Variants in NLRP9 observed in about 807,000 individuals in gnomAD.
NLRP9 encodes the protein NLR family pyrin domain containing 9.
In NLRP9, 88 loss-of-function variants were observed where a neutral mutation model predicts 83.1. That is an observed-to-expected ratio of 1.06 (90% confidence interval 0.89 to 1.26). NLRP9 has a LOEUF of 1.26. NLRP9 is among the 50% of genes most tolerant of loss of function. The pLI is 0.00. For synonymous variants in NLRP9, 521 were observed against 447.6 expected, an observed-to-expected ratio of 1.16 and a Z score of -2.07; for missense variants, 1,308 against 1,179.3, an observed-to-expected ratio of 1.11 and a Z score of -1.60.
intron 3 of NLRP9, among the ~76,000 whole-genome samples, chr19:55,728,529 T>G (rs1988467593): frequency 6.6e-6 from 1 of 151,694 alleles, no homozygotes; most frequent in Admixed American, 6.6e-5. Flanking sequence ...CCGAGATCAT[T>G]CCACTGCACT....
At position 55,732,520 on chromosome 19, in the gene NLRP9, T is replaced by C. The variant is rs772136004; in HGVS notation, c.1311A>G (p.Arg437=). 1.1e-5 allele frequency: 17 copies of C among 1,614,140 alleles called. No individual in the cohort carries two copies. The highest frequency in any genetic ancestry group is 1.4e-5 in the Non-Finnish European group (16 of 1,180,020). ...GATGCATGAAGGCAAAACAGTCCCC[T>C]CTCCTTTGGAGGAGTCTCATACCCA... ...MWVGMRLLQR[R]GDCFAFMHLC... Residue 437 remains arginine (R), a synonymous_variant, in exon 2 of 9, where the codon AGA becomes AGG. Transcript: ENST00000332836.
rs369412593 is a variant in NLRP9 at position 55,711,933 on chromosome 19, C to T, written c.2710G>A (p.Asp904Asn). 5 of 1,613,082 alleles carry T rather than the reference C, an allele frequency of 3.1e-6. No individual in the cohort carries two copies. The highest frequency in any genetic ancestry group is 1.3e-5 in the African/African-American group (1 of 75,040). The change falls in exon 8 of 9, where the codon GAC becomes AAC. Residue 904 changes from aspartate (D) to asparagine (N), a missense_variant. By Grantham distance (23) the Asp-to-Asn change is conservative (BLOSUM62 1). Coordinates refer to ENST00000332836, the MANE Select transcript of NLRP9 (RefSeq NM_176820.4). Reference protein sequence around the residue: ...TCPITRACCDDIAAALIACKT... With the variant: ...TCPITRACCDNIAAALIACKT... ...CAGGCGATGAGTGCTGCGGCGATGT[C>T]GTCGCAGCAGGCACGGGTGATCGGA...
Position 55,729,929 on chromosome 19 carries a change from G to C in NLRP9, c.1896C>G (p.Phe632Leu). ...TGGTATTTTCCATGTCTAAAATCTG[G>C]AAGTTCTTGTTGGTAATGAACATTG... The part of the protein sequence containing the change: ...LCSMFITNKN[F>L]QILDMENTSL... The change falls in exon 3 of 9, where the codon TTC becomes TTG. Residue 632 changes from phenylalanine (F) to leucine (L), a missense_variant. By Grantham distance (22) the Phe-to-Leu change is conservative (BLOSUM62 0). Transcript: ENST00000332836. 1 of 1,613,824 alleles carries C rather than the reference G, an allele frequency of 6.2e-7. No individual in the cohort carries two copies. The highest frequency in any genetic ancestry group is 8.5e-7 in the Non-Finnish European group (1 of 1,179,720).
intron 8 of NLRP9, 79 bp from the exon 9 acceptor site, chr19:55,709,123 C>T (rs1359863199): frequency 1.5e-5 from 14 of 913,826 alleles, no homozygotes; most frequent in East Asian, 1.4e-4. Flanking sequence ...TGATGTCTAC[C>T]TCTCCTCTCC....
chr19:55,714,964 T>G, intron 6 of NLRP9, 91 bp downstream of exon 6: 15 of 1,228,974 alleles, frequency 1.2e-5, no homozygotes, highest in Non-Finnish European at 1.7e-5. Context: ...TACATTCAGA[T>G]GCTAGCATAT....
intron 4 of NLRP9, among the ~76,000 whole-genome samples, chr19:55,721,164 G>A (rs1437701441): frequency 1.3e-5 from 2 of 152,166 alleles, no homozygotes; most frequent in Non-Finnish European, 2.9e-5. Flanking sequence ...CATTAGTAAA[G>A]TTTCCTAGTT....
At chr19:55,719,165 C>T (rs1313210476) in intron 4 of NLRP9, among the ~76,000 whole-genome samples, 1 of 152,170 alleles carries the variant, frequency 6.6e-6, no homozygotes, top group East Asian at 1.9e-4. Context: ...TTGGGTTAGA[C>T]TGATTTGCTA....
At chr19:55,728,117 C>G (rs1390958952) in intron 3 of NLRP9, among the ~76,000 whole-genome samples, 2 of 152,170 alleles carry the variant, frequency 1.3e-5, no homozygotes, top group African/African-American at 4.8e-5. Flanking sequence ...GTGGTTTTTA[C>G]TGGGGCTTGT....
At chr19:55,731,896 A>C in intron 2 of NLRP9, 103 bp downstream of exon 2, 1 of 709,340 alleles carries the variant, frequency 1.4e-6, no homozygotes, top group Non-Finnish European at 2.3e-6. Flanking sequence ...TCCGACCTCC[A>C]TGCTTTTAAG....
chr19:55,720,809 GTCAA>G (rs1372684614), intron 4 of NLRP9, among the ~76,000 whole-genome samples: 2 of 152,162 alleles, frequency 1.3e-5, no homozygotes, highest in African/African-American at 4.8e-5. Context: ...AAAAACACCT[GTCAA>G]TCAATTAGAA....
chr19:55,732,806 AACCAGC>A lies in NLRP9; in HGVS notation c.1019_1024del (p.Cys340_Trp341del), dbSNP rs1225351088. 6 of 1,614,210 alleles carry A rather than the reference AACCAGC, an allele frequency of 3.7e-6. No homozygotes were observed. The highest frequency in any genetic ancestry group is 4.2e-6 in the Non-Finnish European group (5 of 1,180,044). ...CCTCTGTTTCACACAAGTACAGACC[AACCAGC>A]ACGTAAAGGGATTATGGCACAAGAT... On this transcript the variant is annotated inframe_deletion, in exon 2 of 9. Transcript: ENST00000332836.
At chr19:55,730,097 A>G (rs1417252442) in intron 2 of NLRP9, 105 bp from the exon 3 acceptor site, 2 of 1,028,042 alleles carry the variant, frequency 1.9e-6, no homozygotes, top group South Asian at 1.5e-5. Flanking sequence ...GCTGACAGAC[A>G]CCCAGGCCTG....
At chr19:55,733,656 T>G (rs1017578411) in intron 1 of NLRP9, 106 bp from the exon 2 acceptor site, 1 of 706,460 alleles carries the variant, frequency 1.4e-6, no homozygotes, top group African/African-American at 1.8e-5. Flanking sequence ...GCCAGCCATC[T>G]GAAGCCAGGG....
chr19:55,728,900 G>C (rs1031719927), intron 3 of NLRP9, among the ~76,000 whole-genome samples: 14 of 151,976 alleles, frequency 9.2e-5, no homozygotes, highest in African/African-American at 3.1e-4. Context: ...AAAATATCAG[G>C]GAACAACTGT....
In NLRP9 at chr19:55,732,897, C is replaced by T; in HGVS notation, c.934G>A (p.Gly312Ser). The T allele has an allele frequency of 6.2e-7, 1 of 1,613,878 alleles. No homozygotes were observed. The highest frequency in any genetic ancestry group is 2.2e-5 in the East Asian group (1 of 44,880). ...EKKSYFSYFF[G>S]EKSKALKVFN... is the part of the protein sequence containing the mutation. ...ACTTTCAGGGCTTTGCTCTTCTCAC[C>T]AAAGAAGTAGGAGAAATACGACTTC... Residue 312 changes from glycine to serine, a missense_variant, in exon 2 of 9, where the codon GGT becomes AGT. Physicochemically the swap from Gly to Ser is moderately conservative, Grantham distance 56 (BLOSUM62 0). Transcript: ENST00000332836.
At chr19:55,736,860 A>C (rs74181754) in intron 1 of NLRP9, among the ~76,000 whole-genome samples, 1 of 137,314 alleles carries the variant, frequency 7.3e-6, no homozygotes. Flanking sequence ...AACAAAAAAA[A>C]AAACAAAAAA....
intron 3 of NLRP9, among the ~76,000 whole-genome samples, chr19:55,728,169 C>T (rs1449481032): frequency 6.6e-6 from 1 of 152,196 alleles, no homozygotes; most frequent in Non-Finnish European, 1.5e-5. Flanking sequence ...AAATTCAAAA[C>T]TCACTGAAGG....
At chr19:55,736,934 G>A (rs1007673500) in intron 1 of NLRP9, among the ~76,000 whole-genome samples, 4 of 150,850 alleles carry the variant, frequency 2.7e-5, no homozygotes, top group Non-Finnish European at 5.9e-5. Flanking sequence ...TACGAAATAA[G>A]GTCTCAAATT....
intron 3 of NLRP9, among the ~76,000 whole-genome samples, chr19:55,729,138 A>T (rs1052805860): frequency 3.0e-5 from 4 of 132,048 alleles, no homozygotes; most frequent in Non-Finnish European, 6.1e-5. Context: ...AGAAACATCT[A>T]TTCTCCATCC....
Sources: allele counts gnomAD v4.1 joint callset (sites outside exome capture counted in the v4.1 genomes callset), GRCh38; gene constraint gnomAD v4.1.1; transcripts MANE v1.5; gene names NCBI Gene and HGNC (gene_info 2026-07-23, HGNC 2026-07-21).